Variants in FSTL5 observed in about 807,000 individuals in gnomAD.
FSTL5 encodes the protein follistatin like 5.
A neutral mutation model predicts 89.1 loss-of-function variants in FSTL5; 62 were observed. That is an observed-to-expected ratio of 0.70 (90% CI 0.57 to 0.86). The LOEUF (loss-of-function observed/expected upper bound fraction) is 0.86. Ranked by LOEUF, FSTL5 falls within the 40% of genes least tolerant of loss-of-function variation. FSTL5 has a pLI of 0.00. For missense variants in FSTL5, 1,057 were observed against 1,001.6 expected, an observed-to-expected ratio of 1.06 and a Z score of -0.75; for synonymous variants, 383 against 346.2, an observed-to-expected ratio of 1.11 and a Z score of -1.18.
intron 1 of FSTL5, among the ~76,000 whole-genome samples, chr4:162,111,815 T>G (rs1451464815): frequency 6.6e-6 from 1 of 152,182 alleles, no homozygotes; most frequent in Non-Finnish European, 1.5e-5. Context: ...CAAATCTTAA[T>G]AGACTTACCG....
chr4:161,998,525 T>G (rs1578932860), intron 3 of FSTL5, among the ~76,000 whole-genome samples: 1 of 152,108 alleles, frequency 6.6e-6, no homozygotes, highest in East Asian at 1.9e-4. Flanking sequence ...CACCTTTGTT[T>G]CAGCTTGACT....
chr4:161,567,551 G>A (rs1732862784), intron 8 of FSTL5, among the ~76,000 whole-genome samples: 2 of 152,046 alleles, frequency 1.3e-5, no homozygotes, highest in East Asian at 3.9e-4. Context: ...AGTAATCTAT[G>A]ATATATCACT....
intron 4 of FSTL5, among the ~76,000 whole-genome samples, chr4:161,812,217 C>T (rs1730171200): frequency 6.6e-6 from 1 of 152,150 alleles, no homozygotes. Context: ...GTTTCTGGGA[C>T]AAATGTATTT....
At chr4:161,938,633 G>A (rs893584797) in intron 3 of FSTL5, among the ~76,000 whole-genome samples, 4 of 151,964 alleles carry the variant, frequency 2.6e-5, no homozygotes, top group Non-Finnish European at 4.4e-5. Flanking sequence ...AATTTCCAAA[G>A]CTGAAAAATA....
chr4:161,901,828 G>A lies in FSTL5; in HGVS notation c.409+18576C>T, dbSNP rs1026035037. 5.9e-5 allele frequency among the ~76,000 whole-genome samples: 9 copies of A among 152,202 alleles called. No homozygotes were observed. The East Asian group carries it at 1.4e-3, about 23-fold the overall frequency. ...GGTGCGCCTGTAGTCCCAGCTACTCGGGAGGCCGAGGTAGGAGAACTGCTT... is the reference window on the plus strand; with the variant it reads ...GGTGCGCCTGTAGTCCCAGCTACTCAGGAGGCCGAGGTAGGAGAACTGCTT... On this transcript the variant is annotated intron_variant, in intron 4 of 15. Transcript: ENST00000306100.
intron 1 of FSTL5, among the ~76,000 whole-genome samples, chr4:162,152,017 A>G (rs1388840): frequency 0.23 from 35,343 of 152,010 alleles, 4,297 homozygotes; most frequent in Non-Finnish European, 0.26. Flanking sequence ...AGTAGCATCC[A>G]GAGCAGTTTT....
intron 2 of FSTL5, among the ~76,000 whole-genome samples, chr4:162,093,820 C>T (rs963816869): frequency 2.6e-5 from 4 of 152,074 alleles, no homozygotes; most frequent in African/African-American, 9.6e-5. Flanking sequence ...CATACTAATT[C>T]GCATTTTATA....
intron 4 of FSTL5, among the ~76,000 whole-genome samples, chr4:161,845,786 C>T (rs1412367698): frequency 3.3e-5 from 5 of 152,246 alleles, no homozygotes; most frequent in Middle Eastern, 3.4e-3. Flanking sequence ...AGGCGCACGT[C>T]TGTAATCCCA....
chr4:161,916,815 T>C (rs1357552599), intron 4 of FSTL5, among the ~76,000 whole-genome samples: 1 of 152,118 alleles, frequency 6.6e-6, no homozygotes, highest in Non-Finnish European at 1.5e-5. Context: ...ACACAAGTAA[T>C]AGAAAGAGGA....
chr4:161,710,957 A>G (rs868751916), intron 6 of FSTL5, among the ~76,000 whole-genome samples: 2 of 152,208 alleles, frequency 1.3e-5, no homozygotes, highest in South Asian at 2.1e-4. Flanking sequence ...TCAAGAAGAA[A>G]TCAAAAAAAC....
intron 6 of FSTL5, among the ~76,000 whole-genome samples, chr4:161,677,990 T>C (rs898238023): frequency 6.6e-6 from 1 of 151,736 alleles, no homozygotes; most frequent in African/African-American, 2.4e-5. Context: ...AACATATGAA[T>C]TAATTAAAAA....
intron 10 of FSTL5, among the ~76,000 whole-genome samples, chr4:161,519,110 G>A (rs1034626618): frequency 2.0e-5 from 3 of 152,132 alleles, no homozygotes; most frequent in East Asian, 1.9e-4. Context: ...ACCTGGCATC[G>A]GAAGACACTC....
At chr4:162,000,750 A>T (rs1166979638) in intron 3 of FSTL5, among the ~76,000 whole-genome samples, 1 of 152,178 alleles carries the variant, frequency 6.6e-6, no homozygotes, top group Non-Finnish European at 1.5e-5. Context: ...TTGTATTACT[A>T]AAAGAAATGC....
Position 161,385,983 on chromosome 4 carries a change from C to T in FSTL5, c.2308G>A (p.Glu770Lys). 2 of 1,613,868 alleles carry T rather than the reference C, an allele frequency of 1.2e-6. No individual in the cohort carries two copies. The highest frequency in any genetic ancestry group is 1.1e-5 in the South Asian group (1 of 91,072). ...SSTQTDVLFV[E>K]LSSGKVKMIK... ...ATCTTGACCTTCCCAGAAGAGAGCT[C>T]CACAAAGAGCACATCAGTTTGTGTG... Residue 770 changes from glutamate to lysine, a missense_variant, in exon 16 of 16, where the codon GAG becomes AAG. This residue lies in a region of FSTL5 where 9 missense variants were observed against 25.0 expected (regional missense o/e 0.36). Coordinates refer to ENST00000306100, the MANE Select transcript of FSTL5 (RefSeq NM_020116.5).
At chr4:161,409,251 C>T (rs1204668094) in intron 15 of FSTL5, among the ~76,000 whole-genome samples, 1 of 152,150 alleles carries the variant, frequency 6.6e-6, no homozygotes, top group East Asian at 1.9e-4. Context: ...AGACTGGGGC[C>T]TGTTTTCAGT....
chr4:161,924,392 T>C (rs539985602), intron 3 of FSTL5, among the ~76,000 whole-genome samples: 45 of 150,968 alleles, frequency 3.0e-4, no homozygotes, highest in African/African-American at 1.0e-3. Flanking sequence ...TGTCTATATG[T>C]ATATCTAATA....
intron 7 of FSTL5, among the ~76,000 whole-genome samples, chr4:161,631,768 C>T (rs1735513848): frequency 6.6e-6 from 1 of 152,142 alleles, no homozygotes; most frequent in South Asian, 2.1e-4. Flanking sequence ...GACTGGACAA[C>T]ACTAATAACA....
At chr4:161,761,391 G>A (rs1409623467) in intron 5 of FSTL5, among the ~76,000 whole-genome samples, 3 of 152,112 alleles carry the variant, frequency 2.0e-5, no homozygotes, top group Non-Finnish European at 2.9e-5. Flanking sequence ...CAGTGTGCGC[G>A]ATTCTACCGC....
At chr4:161,534,032 C>A (rs1209908614) in intron 10 of FSTL5, among the ~76,000 whole-genome samples, 1 of 152,016 alleles carries the variant, frequency 6.6e-6, no homozygotes, top group Non-Finnish European at 1.5e-5. Flanking sequence ...ATCCAATATT[C>A]ATTCACGGTA....
Sources: allele counts gnomAD v4.1 joint callset (sites outside exome capture counted in the v4.1 genomes callset), GRCh38; gene constraint gnomAD v4.1.1; regional missense constraint gnomAD v4.1.1; transcripts MANE v1.5; gene names NCBI Gene and HGNC (gene_info 2026-07-23, HGNC 2026-07-21).